GALK2: variants seen among roughly 807,000 people sequenced by gnomAD.
The protein encoded by GALK2 is N-acetylgalactosamine kinase.
Under a neutral mutation model 52.4 loss-of-function variants are expected in GALK2, and 36 were observed. The observed-to-expected ratio is 0.69, with a 90% CI of 0.53 to 0.91. The LOEUF (loss-of-function observed/expected upper bound fraction) is 0.91. Ranked by LOEUF, GALK2 falls within the 40% of genes least tolerant of loss-of-function variation. The pLI is 0.00. For missense variants in GALK2, 579 were observed against 559.1 expected, an observed-to-expected ratio of 1.04 and a Z score of -0.36; for synonymous variants, 176 against 199.1, an observed-to-expected ratio of 0.88 and a Z score of 0.98.
intron 5 of GALK2, among the ~76,000 whole-genome samples, chr15:49,270,273 TCTTA>T (rs1380059789): frequency 1.3e-5 from 2 of 152,226 alleles, no homozygotes; most frequent in Non-Finnish European, 2.9e-5. Context: ...TTTTGTTTAA[TCTTA>T]CTTACTAAGA....
At chr15:49,223,172 A>G (rs2089925606) in intron 3 of GALK2, 1 of 152,060 alleles carries the variant, frequency 6.6e-6, no homozygotes, top group Non-Finnish European at 1.5e-5. Flanking sequence ...GTTTGTGTAT[A>G]GTATAGTTGT....
intron 9 of GALK2, among the ~76,000 whole-genome samples, chr15:49,321,261 T>C (rs145651597): frequency 6.6e-6 from 1 of 152,204 alleles, no homozygotes; most frequent in East Asian, 1.9e-4. Flanking sequence ...CTGAGGTGGA[T>C]ACTTGGCTGT....
chr15:49,328,603 TTGATGATGGTGATGATGATGA>T lies in GALK2; in HGVS notation c.*451_*471del, dbSNP rs746374746. The T allele has an allele frequency of 6.7e-5, 107 of 1,594,582 alleles. No homozygotes were observed. The highest frequency in any genetic ancestry group is 9.0e-5 in the Non-Finnish European group (105 of 1,167,416). ...TCTTCCTCAAAGTTGTAGTTGTCTG[TTGATGATGGTGATGATGATGA>T]TGATGACGATAGTGATGCCACACAT... On this transcript the variant is annotated 3_prime_UTR_variant, in exon 10 of 10. Coordinates refer to ENST00000560031, the MANE Select transcript of GALK2 (RefSeq NM_002044.4).
Position 49,192,485 on chromosome 15 carries a change from GTATATATATATATATA to G in GALK2, c.54-8652_54-8637del, listed in dbSNP as rs58230206. On this transcript the variant is annotated intron_variant, in intron 1 of 9. Coordinates refer to ENST00000560031, the MANE Select transcript of GALK2 (RefSeq NM_002044.4). ...TCTGCAATGAATATTATATATATAT[GTATATATATATATATA>G]TATATATATATATATATATATATAG... Among the ~76,000 whole-genome samples the G allele has an allele frequency of 9.3e-4, 96 of 102,974 alleles. 2 individuals carry two copies. Among genetic ancestry groups the G allele is most frequent in the South Asian group, 7.0e-3 (22 of 3,148 alleles). 67.6% of individuals were successfully genotyped at this position (102,974 alleles called of 152,430 possible).
chr15:49,289,571 A>C (rs1483713742), intron 7 of GALK2, among the ~76,000 whole-genome samples: 1 of 152,176 alleles, frequency 6.6e-6, no homozygotes, highest in African/African-American at 2.4e-5. Context: ...CACCTCAATC[A>C]GTGGTAACTG....
chr15:49,259,222 T>C (rs1388984023), intron 5 of GALK2, among the ~76,000 whole-genome samples: 2 of 151,872 alleles, frequency 1.3e-5, no homozygotes, highest in African/African-American at 4.8e-5. Flanking sequence ...AGTTTTAGGG[T>C]ACATGTGCAC....
In GALK2 at chr15:49,292,575, C is replaced by T. The variant is rs1233332986; in HGVS notation, c.967+38C>T. The T allele has an allele frequency of 5.3e-6, 8 of 1,519,320 alleles. No individual in the cohort carries two copies. The Admixed American group carries it at 1.4e-4, about 26-fold the overall frequency. The allele number at this position is 1,519,320 out of a possible 1,614,324, so 94.1% of individuals were successfully genotyped here. On this transcript the variant is annotated intron_variant, in intron 8 of 9. Coordinates refer to ENST00000560031, the MANE Select transcript of GALK2 (RefSeq NM_002044.4). ...GAGAAAGTATGATATATGTTATTCC[C>T]TCACTTACAGCTGGAAGGTTTCAAT...
intron 3 of GALK2, among the ~76,000 whole-genome samples, chr15:49,338,043 T>G (rs1302146581): frequency 6.6e-6 from 1 of 152,198 alleles, no homozygotes; most frequent in African/African-American, 2.4e-5. Context: ...CTGGGTCAAA[T>G]GGTATTTCTC....
chr15:49,281,162 A>T (rs1369551596), intron 5 of GALK2, among the ~76,000 whole-genome samples: 8 of 152,228 alleles, frequency 5.3e-5, no homozygotes, highest in Non-Finnish European at 1.0e-4. Flanking sequence ...TGGTCAGCCC[A>T]GGGATTTATC....
At chr15:49,230,802 T>C (rs1438851270) in intron 3 of GALK2, among the ~76,000 whole-genome samples, 1 of 152,184 alleles carries the variant, frequency 6.6e-6, no homozygotes, top group East Asian at 1.9e-4. Context: ...TAATGGGTCA[T>C]GTCTGCTCAT....
chr15:49,367,380 T>A (rs2045385751), intron 3 of GALK2: 2 of 1,318,778 alleles, frequency 1.5e-6, no homozygotes, highest in East Asian at 2.5e-5. Context: ...AATTGAGACA[T>A]TCAGTGAAAT....
intron 3 of GALK2, among the ~76,000 whole-genome samples, chr15:49,218,151 G>T (rs1055221128): frequency 1.3e-5 from 2 of 151,976 alleles, no homozygotes; most frequent in African/African-American, 4.8e-5. Flanking sequence ...TCATGTATTC[G>T]GAAAATATTT....
chr15:49,263,939 A>G (rs900355422), intron 5 of GALK2, among the ~76,000 whole-genome samples: 20 of 151,884 alleles, frequency 1.3e-4, no homozygotes, highest in Admixed American at 6.6e-4. Context: ...CAAGAGATCC[A>G]CTGTTAGTCT....
chr15:49,260,216 A>G (rs1268897437), intron 5 of GALK2, among the ~76,000 whole-genome samples: 5 of 151,786 alleles, frequency 3.3e-5, no homozygotes, highest in Non-Finnish European at 7.4e-5. Context: ...AAGTGTTCCT[A>G]TTTCTCCACA....
intron 5 of GALK2, among the ~76,000 whole-genome samples, chr15:49,274,919 C>T (rs1040803249): frequency 6.6e-6 from 1 of 152,098 alleles, no homozygotes; most frequent in Non-Finnish European, 1.5e-5. Flanking sequence ...ATAACAGTGC[C>T]TTCTTCTGGC....
intron 3 of GALK2, among the ~76,000 whole-genome samples, chr15:49,217,897 C>T (rs570928821): frequency 3.3e-5 from 5 of 152,106 alleles, no homozygotes; most frequent in Middle Eastern, 3.2e-3. Flanking sequence ...AAAAAGTTTA[C>T]TAATGGGTAT....
intron 1 of GALK2, chr15:49,156,609 C>T (rs1362266120): frequency 9.7e-6 from 5 of 517,708 alleles, no homozygotes; most frequent in African/African-American, 3.9e-5. Context: ...TTCAGATTGC[C>T]GAAAGGCCAT....
chr15:49,171,975 G>C (rs1160261175), intron 1 of GALK2, among the ~76,000 whole-genome samples: 2 of 152,156 alleles, frequency 1.3e-5, no homozygotes, highest in African/African-American at 4.8e-5. Context: ...GTTTCGCCAT[G>C]TTGGCCAGGC....
At chr15:49,173,671 T>TA (rs1438628134) in intron 1 of GALK2, among the ~76,000 whole-genome samples, 1 of 152,226 alleles carries the variant, frequency 6.6e-6, no homozygotes, top group Non-Finnish European at 1.5e-5. Context: ...TGTTTTTTTT[T>TA]ACTTACTTTT....
Sources: allele counts gnomAD v4.1 joint callset (sites outside exome capture counted in the v4.1 genomes callset), GRCh38; gene constraint gnomAD v4.1.1; transcripts MANE v1.5; gene names NCBI Gene and HGNC (gene_info 2026-07-23, HGNC 2026-07-21).